CREB5: variants seen among roughly 807,000 people sequenced by gnomAD.
CREB5 encodes cAMP responsive element binding protein 5, also known as cyclic AMP-responsive element-binding protein 5.
In CREB5, 19 loss-of-function variants were observed where a neutral mutation model predicts 57.1. The observed-to-expected ratio is 0.33, with a 90% confidence interval of 0.23 to 0.49. The LOEUF (loss-of-function observed/expected upper bound fraction) is 0.49, where lower values mean the gene tolerates loss of function less well. CREB5 is among the 20% of genes least tolerant of loss of function. The pLI, the probability that CREB5 is intolerant of heterozygous loss-of-function variation, is 0.99. For synonymous variants in CREB5, 238 were observed against 238.3 expected (o/e 1.00, Z 0.01); for missense variants, 579 against 671.6 (o/e 0.86, Z 1.52).
chr7:28,490,263 G>A (rs529598414), intron 2 of CREB5, among the ~76,000 whole-genome samples: 1 of 152,328 alleles, frequency 6.6e-6, no homozygotes, highest in African/African-American at 2.4e-5. Context: ...CAGTTAATTA[G>A]TCAATTGCAA....
chr7:28,563,892 C>T (rs1795378008), intron 4 of CREB5, among the ~76,000 whole-genome samples: 1 of 152,246 alleles, frequency 6.6e-6, no homozygotes, highest in East Asian at 1.9e-4. Flanking sequence ...TGGTGCCCTC[C>T]TCTACTCCAT....
intron 1 of CREB5, among the ~76,000 whole-genome samples, chr7:28,306,706 G>A (rs1301772709): frequency 7.3e-5 from 11 of 151,396 alleles, no homozygotes; most frequent in Non-Finnish European, 1.3e-4. Context: ...GACTACAGGC[G>A]CCCGCCACTA....
chr7:28,432,209 T>A (rs1270705787), intron 1 of CREB5, among the ~76,000 whole-genome samples: 1 of 152,064 alleles, frequency 6.6e-6, no homozygotes, highest in Non-Finnish European at 1.5e-5. Flanking sequence ...GCAAGGACAA[T>A]GTGGTAGATG....
chr7:28,555,266 C>T (rs970827228), intron 4 of CREB5, among the ~76,000 whole-genome samples: 3 of 152,170 alleles, frequency 2.0e-5, no homozygotes, highest in Non-Finnish European at 4.4e-5. Context: ...CCTGTGCCAG[C>T]AGATGTGAGA....
rs1399139764 is a variant in CREB5, at chr7:28,823,101, G to A, written c.*3822G>A. ...AAGTAAACTTTAGTGTGTAAGTTGA[G>A]TTTGTCATTAAAATCATAAACCAGC... On this transcript the variant is annotated 3_prime_UTR_variant, in exon 11 of 11. Coordinates refer to ENST00000357727, the MANE Select transcript of CREB5 (RefSeq NM_182898.4). The A allele has an allele frequency of 6.6e-6, 1 of 152,604 alleles. No individual in the cohort carries two copies. Among genetic ancestry groups the A allele is most frequent in the Admixed American group, 6.5e-5 (1 of 15,284 alleles). 9.5% of individuals were successfully genotyped at this position (152,604 alleles called of 1,614,324 possible).
At chr7:28,618,879 C>T (rs1269458780) in intron 5 of CREB5, among the ~76,000 whole-genome samples, 1 of 152,242 alleles carries the variant, frequency 6.6e-6, no homozygotes, top group Non-Finnish European at 1.5e-5. Context: ...ATGGTTCTGA[C>T]ATTGCAATAT....
At chr7:28,385,817 C>T (rs1787080861) in intron 1 of CREB5, among the ~76,000 whole-genome samples, 1 of 152,038 alleles carries the variant, frequency 6.6e-6, no homozygotes, top group African/African-American at 2.4e-5. Context: ...CACATGGTTT[C>T]TCAGATATAA....
chr7:28,502,779 G>T (rs1792321420), intron 3 of CREB5, among the ~76,000 whole-genome samples: 2 of 152,294 alleles, frequency 1.3e-5, no homozygotes, highest in East Asian at 1.9e-4. Context: ...TTATTTTCTG[G>T]TATGTGATGG....
chr7:28,300,378 T>C (rs1194242546), intron 1 of CREB5, among the ~76,000 whole-genome samples: 1 of 152,176 alleles, frequency 6.6e-6, no homozygotes, highest in Non-Finnish European at 1.5e-5. Context: ...AAAATGAAAA[T>C]TTCAGGCAAT....
At chr7:28,444,608 A>G (rs1322720217) in intron 1 of CREB5, among the ~76,000 whole-genome samples, 1 of 152,170 alleles carries the variant, frequency 6.6e-6, no homozygotes, top group Non-Finnish European at 1.5e-5. Flanking sequence ...TTTAAAAAAT[A>G]GGAAGAAAAG....
chr7:28,666,377 T>C (rs1421281920), intron 5 of CREB5, among the ~76,000 whole-genome samples: 2 of 152,150 alleles, frequency 1.3e-5, no homozygotes, highest in Admixed American at 1.3e-4. Flanking sequence ...CCTGTTCTTA[T>C]GAGAGACCTC....
At chr7:28,387,742 T>C (rs1010332734) in intron 1 of CREB5, among the ~76,000 whole-genome samples, 1 of 152,076 alleles carries the variant, frequency 6.6e-6, no homozygotes, top group East Asian at 1.9e-4. Context: ...ACACACATGG[T>C]GTCATGTAAT....
chr7:28,776,375 CTA>C lies in CREB5; in HGVS notation c.703-27822_703-27821del, dbSNP rs147758418. Among the ~76,000 whole-genome samples the C allele has an allele frequency of 7.0e-3, 1,062 of 151,460 alleles. 21 individuals carry two copies. Among genetic ancestry groups the C allele is most frequent in the African/African-American group, 0.024 (1,002 of 41,286 alleles). The stretch of plus-strand genomic sequence containing the variant: ...AAGAAGAAGAAGAAAGTTAAGCGTG[CTA>C]TTTTAACAATCATTCTCACCCATTA... On this transcript the variant is annotated intron_variant, in intron 7 of 10. Coordinates refer to ENST00000357727, the MANE Select transcript of CREB5 (RefSeq NM_182898.4).
chr7:28,736,116 G>T (rs551515082), intron 7 of CREB5, among the ~76,000 whole-genome samples: 1 of 152,072 alleles, frequency 6.6e-6, no homozygotes, highest in East Asian at 1.9e-4. Flanking sequence ...CTTGCTATGT[G>T]GTAAGGAGTC....
At chr7:28,366,839 T>G (rs1177712404) in intron 1 of CREB5, among the ~76,000 whole-genome samples, 2 of 152,230 alleles carry the variant, frequency 1.3e-5, no homozygotes, top group Non-Finnish European at 2.9e-5. Context: ...ATGTCTAGGA[T>G]GTTTTACACT....
chr7:28,650,597 C>CG, intron 5 of CREB5, among the ~76,000 whole-genome samples: 2 of 152,156 alleles, frequency 1.3e-5, no homozygotes, highest in Non-Finnish European at 2.9e-5. Context: ...TGCTTCCCCC[C>CG]CCAACCTTCC....
At chr7:28,607,715 T>C (rs1382880608) in intron 5 of CREB5, among the ~76,000 whole-genome samples, 1 of 149,772 alleles carries the variant, frequency 6.7e-6, no homozygotes, top group Non-Finnish European at 1.5e-5. Flanking sequence ...TTACCCAAAA[T>C]AAGACCAGTG....
chr7:28,708,594 T>C (rs1037142369), intron 5 of CREB5, among the ~76,000 whole-genome samples: 12 of 152,210 alleles, frequency 7.9e-5, no homozygotes, highest in Admixed American at 3.9e-4. Flanking sequence ...GAAGATCCAA[T>C]AGATCTTTTA....
chr7:28,800,136 C>A (rs1808280340), intron 7 of CREB5, among the ~76,000 whole-genome samples: 1 of 152,170 alleles, frequency 6.6e-6, no homozygotes, highest in Admixed American at 6.5e-5. Flanking sequence ...TATATCGCTA[C>A]AAACTAAACT....
Sources: gnomAD v4.1 joint callset for allele counts (sites outside exome capture counted in the v4.1 genomes callset) on GRCh38, gnomAD v4.1.1 for gene constraint, MANE v1.5 for transcripts, NCBI Gene and HGNC (gene_info 2026-07-23, HGNC 2026-07-21) for gene names.